The following FLVCR2 variants were observed in gnomAD, a reference collection of about 807,000 sequenced individuals.
The protein encoded by FLVCR2 is choline/ethanolamine transporter FLVCR2.
In FLVCR2, 38 loss-of-function variants were observed where a neutral mutation model predicts 48.9. The ratio of observed to expected loss-of-function variants is 0.78; its 90% CI spans 0.60 to 1.02. The LOEUF is 1.02. Ranked by LOEUF, FLVCR2 falls within the 50% of genes least tolerant of loss-of-function variation. FLVCR2 has a pLI of 0.00. For missense variants in FLVCR2, 664 were observed against 663.3 expected (o/e 1.00, Z -0.01); for synonymous variants, 255 against 257.0 (o/e 0.99, Z 0.07).
intron 1 of FLVCR2, among the ~76,000 whole-genome samples, chr14:75,603,182 G>T (rs1889206363): frequency 6.6e-6 from 1 of 152,138 alleles, no homozygotes; most frequent in Non-Finnish European, 1.5e-5. Flanking sequence ...CCCTGGCGAG[G>T]GCCCCACCCT....
At chr14:75,624,363 AAG>A (rs1491531691) in intron 2 of FLVCR2, among the ~76,000 whole-genome samples, 1 of 152,068 alleles carries the variant, frequency 6.6e-6, no homozygotes, top group Non-Finnish European at 1.5e-5. Context: ...AAAAAAAATA[AAG>A]AAAAAAAAAA....
In FLVCR2 at chr14:75,641,259, G is replaced by C; in HGVS notation, c.1419G>C (p.Leu473=). Residue 473 remains leucine (L), a synonymous_variant, in exon 8 of 10, where the codon CTG becomes CTC. Coordinates refer to ENST00000238667, the MANE Select transcript of FLVCR2 (RefSeq NM_017791.3). Reference sequence around the variant, plus strand: ...GAACCAAGCCTGGGAACATCTTCCTGTGTGTGTTCCTTACTCTTGGAGCAG... The same window carrying C: ...GAACCAAGCCTGGGAACATCTTCCTCTGTGTGTTCCTTACTCTTGGAGCAG... ...NYGTKPGNIF[L]CVFLTLGAAL... is the part of the protein sequence containing the mutation. The C allele has an allele frequency of 6.2e-7, 1 of 1,613,980 alleles. No individual in the cohort carries two copies.
intron 9 of FLVCR2, 82 bp from the exon 10 acceptor site, chr14:75,646,319 A>G: frequency 2.2e-6 from 2 of 900,064 alleles, no homozygotes; most frequent in South Asian, 1.3e-5. Context: ...CCCACTGATT[A>G]GTCATGGCCA....
chr14:75,632,461 C>T, intron 3 of FLVCR2: 1 of 588,332 alleles, frequency 1.7e-6, no homozygotes, highest in Non-Finnish European at 3.0e-6. Flanking sequence ...TTATGGGGCC[C>T]CTGGAAGCTA....
intron 1 of FLVCR2, among the ~76,000 whole-genome samples, chr14:75,601,861 A>T (rs1373041148): frequency 6.6e-6 from 1 of 152,336 alleles, no homozygotes; most frequent in South Asian, 2.1e-4. Flanking sequence ...AAATATATAC[A>T]TATACGTTGT....
At chr14:75,626,610 C>T (rs1460758797) in intron 3 of FLVCR2, among the ~76,000 whole-genome samples, 1 of 151,822 alleles carries the variant, frequency 6.6e-6, no homozygotes, top group Admixed American at 6.6e-5. Flanking sequence ...ACAAAGTTTC[C>T]AATGCTTAGA....
chr14:75,597,525 C>T (rs1294471475), intron 1 of FLVCR2, among the ~76,000 whole-genome samples: 1 of 152,016 alleles, frequency 6.6e-6, no homozygotes, highest in Non-Finnish European at 1.5e-5. Context: ...CGGCCCCACA[C>T]AGACTGTCTT....
chr14:75,595,233 T>C (rs193225233), intron 1 of FLVCR2, among the ~76,000 whole-genome samples: 42 of 152,246 alleles, frequency 2.8e-4, no homozygotes, highest in South Asian at 4.1e-4. Context: ...CTTTGGAAAC[T>C]CATGTATATT....
chr14:75,579,528 A>G lies in FLVCR2; in HGVS notation c.556A>G (p.Ile186Val), dbSNP rs780614107. 1 of 1,610,704 alleles carries G rather than the reference A, an allele frequency of 6.2e-7. No homozygotes were observed. Among genetic ancestry groups the G allele is most frequent in the East Asian group, 2.2e-5 (1 of 44,846 alleles). Residue 186 changes from isoleucine (I) to valine (V), a missense_variant, in exon 1 of 10, where the codon ATC (isoleucine) becomes GTC (valine). Transcript: ENST00000238667. The part of the protein sequence containing the change: ...LFPVTVVGQL[I>V]CSVAQVFILG... ...TCCGGTCACCGTGGTGGGCCAGCTC[A>G]TCTGCTCTGTGGCCCAGGTTTTCAT... is the stretch of plus-strand genomic sequence containing the variant.
chr14:75,581,063 C>T (rs906723080), intron 1 of FLVCR2, among the ~76,000 whole-genome samples: 2 of 151,986 alleles, frequency 1.3e-5, no homozygotes, highest in Admixed American at 6.6e-5. Flanking sequence ...TTAGGGGCAG[C>T]GTGGGAACCT....
At chr14:75,604,394 G>A (rs1452382828) in intron 1 of FLVCR2, 1 of 152,168 alleles carries the variant, frequency 6.6e-6, no homozygotes, top group Non-Finnish European at 1.5e-5. Context: ...GAGACAATAT[G>A]TGGACAGCAT....
intron 1 of FLVCR2, among the ~76,000 whole-genome samples, chr14:75,607,915 T>G (rs1170728935): frequency 6.6e-6 from 1 of 152,030 alleles, no homozygotes; most frequent in Non-Finnish European, 1.5e-5. Context: ...TCTACAAAAA[T>G]AGTTAAAAAG....
intron 8 of FLVCR2, 111 bp from the exon 9 acceptor site, chr14:75,641,732 C>T (rs1249754073): frequency 4.0e-6 from 4 of 994,638 alleles, no homozygotes; most frequent in Non-Finnish European, 6.4e-6. Flanking sequence ...TCTTGACTAT[C>T]TGAAGTAAGT....
intron 1 of FLVCR2, among the ~76,000 whole-genome samples, chr14:75,581,563 G>A (rs1888607261): frequency 6.6e-6 from 1 of 150,860 alleles, no homozygotes; most frequent in Admixed American, 6.6e-5. Context: ...TATAGAGGTG[G>A]GAAGGCCAAA....
In FLVCR2 at chr14:75,589,293, A is replaced by G. The variant is rs1006543520; in HGVS notation, c.669+9652A>G. 5.6e-4 allele frequency among the ~76,000 whole-genome samples: 85 copies of G among 152,238 alleles called. 1 individual carries two copies. Among genetic ancestry groups the G allele is most frequent in the African/African-American group, 2.0e-3 (83 of 41,462 alleles). On this transcript the variant is annotated intron_variant, in intron 1 of 9. Coordinates refer to ENST00000238667, the MANE Select transcript of FLVCR2 (RefSeq NM_017791.3). ...CGGGACAGAGATAGGATAGACATTC[A>G]CACATACCAAAAAGGAGAAATAGGC...
intron 1 of FLVCR2, among the ~76,000 whole-genome samples, chr14:75,605,148 T>C (rs1889259649): frequency 1.3e-5 from 2 of 152,214 alleles, no homozygotes; most frequent in Admixed American, 6.5e-5. Flanking sequence ...GTCCTTCCCT[T>C]GACTTGAACT....
intron 1 of FLVCR2, among the ~76,000 whole-genome samples, chr14:75,609,092 C>A (rs1394696162): frequency 1.3e-5 from 2 of 152,090 alleles, no homozygotes; most frequent in Admixed American, 6.6e-5. Flanking sequence ...AGACAATGCA[C>A]CATAGCCTTT....
chr14:75,640,719 A>G, intron 6 of FLVCR2: 1 of 560,894 alleles, frequency 1.8e-6, no homozygotes, highest in Non-Finnish European at 3.2e-6. Context: ...AGAAGCAGCA[A>G]GGGATCCCAG....
intron 4 of FLVCR2, 119 bp downstream of exon 4, chr14:75,633,815 G>T (rs1178108500): frequency 1.2e-6 from 1 of 823,812 alleles, no homozygotes; most frequent in Non-Finnish European, 2.1e-6. Context: ...AGGGTGATAT[G>T]GTGGTATGCT....
Sources: gnomAD v4.1 joint callset for allele counts (sites outside exome capture counted in the v4.1 genomes callset) on GRCh38, gnomAD v4.1.1 for gene constraint, MANE v1.5 for transcripts, NCBI Gene and HGNC (gene_info 2026-07-23, HGNC 2026-07-21) for gene names.